The following ARHGAP26 variants were observed in gnomAD, a reference collection of about 807,000 sequenced individuals.
ARHGAP26 encodes rho GTPase-activating protein 26.
Under a neutral mutation model 104.8 loss-of-function variants are expected in ARHGAP26, and 38 were observed. The ratio of observed to expected loss-of-function variants is 0.36; its 90% CI spans 0.28 to 0.48. ARHGAP26 has a LOEUF of 0.48. Among genes scored for constraint, ARHGAP26 ranks in the 20% least tolerant of loss-of-function variants. ARHGAP26 has a pLI of 0.99. For missense variants in ARHGAP26, 704 were observed against 947.9 expected, an observed-to-expected ratio of 0.74 and a Z score of 3.38; for synonymous variants, 341 against 340.0, an observed-to-expected ratio of 1.00 and a Z score of -0.03.
intron 11 of ARHGAP26, among the ~76,000 whole-genome samples, chr5:142,958,179 C>A (rs151198671): frequency 1.9e-4 from 29 of 152,194 alleles, no homozygotes; most frequent in African/African-American, 5.8e-4. Context: ...TTTCTCCTCC[C>A]CCTGGTTTGG....
chr5:143,106,803 G>A (rs1207579366), intron 17 of ARHGAP26, among the ~76,000 whole-genome samples: 1 of 152,062 alleles, frequency 6.6e-6, no homozygotes, highest in Non-Finnish European at 1.5e-5. Context: ...TCTCAGGCAG[G>A]CATTGCTGAT....
chr5:142,988,588 G>A (rs1279852679), intron 11 of ARHGAP26, among the ~76,000 whole-genome samples: 1 of 152,090 alleles, frequency 6.6e-6, no homozygotes, highest in Non-Finnish European at 1.5e-5. Flanking sequence ...ATGTTAGGGT[G>A]TCAATTTTAG....
chr5:143,097,704 C>T (rs558009326), intron 17 of ARHGAP26, among the ~76,000 whole-genome samples: 1 of 151,724 alleles, frequency 6.6e-6, no homozygotes. Flanking sequence ...CACCTTTAGT[C>T]CCAGCTACTC....
intron 17 of ARHGAP26, among the ~76,000 whole-genome samples, chr5:143,114,127 A>G (rs998744745): frequency 3.9e-5 from 6 of 152,144 alleles, no homozygotes; most frequent in Non-Finnish European, 7.3e-5. Context: ...TAAGCATTCA[A>G]TTAATTATTT....
intron 20 of ARHGAP26, chr5:143,192,388 G>A (rs1361929790): frequency 6.6e-6 from 1 of 152,298 alleles, no homozygotes; most frequent in Admixed American, 6.5e-5. Flanking sequence ...CATGGCACAA[G>A]TAAAGCCATT....
chr5:143,026,136 C>CT (rs1236119848), intron 12 of ARHGAP26, among the ~76,000 whole-genome samples: 3 of 152,174 alleles, frequency 2.0e-5, no homozygotes. Context: ...ATGCAGCCAC[C>CT]TGTCACTATT....
chr5:142,940,968 G>A (rs1766214796), intron 11 of ARHGAP26, among the ~76,000 whole-genome samples: 2 of 150,834 alleles, frequency 1.3e-5, no homozygotes, highest in Non-Finnish European at 3.0e-5. Flanking sequence ...CCAGCTACTC[G>A]GGAGGCTGAG....
intron 11 of ARHGAP26, among the ~76,000 whole-genome samples, chr5:142,993,902 C>T (rs551616981): frequency 3.4e-4 from 51 of 151,756 alleles, no homozygotes; most frequent in Non-Finnish European, 5.2e-4. Flanking sequence ...AATTCCTGGG[C>T]GCATGTGATC....
At chr5:142,848,182 T>C (rs940802134) in intron 1 of ARHGAP26, among the ~76,000 whole-genome samples, 4 of 152,198 alleles carry the variant, frequency 2.6e-5, no homozygotes, top group African/African-American at 9.7e-5. Flanking sequence ...TCATTTGTAT[T>C]GCAAAAGGCT....
intron 1 of ARHGAP26, among the ~76,000 whole-genome samples, chr5:142,783,580 G>C (rs1799293): frequency 0.42 from 63,320 of 152,086 alleles, 17,855 homozygotes; most frequent in African/African-American, 0.81. Flanking sequence ...GAGAGACTGG[G>C]TGATGGCTCT....
At chr5:142,809,368 G>A (rs1284140297) in intron 1 of ARHGAP26, among the ~76,000 whole-genome samples, 1 of 152,220 alleles carries the variant, frequency 6.6e-6, no homozygotes, top group Non-Finnish European at 1.5e-5. Context: ...AGGACTTTGA[G>A]CTTCTTAGAA....
intron 12 of ARHGAP26, among the ~76,000 whole-genome samples, chr5:143,030,559 AG>A (rs1781696435): frequency 6.6e-6 from 1 of 152,230 alleles, no homozygotes; most frequent in African/African-American, 2.4e-5. Flanking sequence ...GGAAGTGGTT[AG>A]ATCAGCCTAT....
intron 1 of ARHGAP26, among the ~76,000 whole-genome samples, chr5:142,869,208 C>T (rs13164444): frequency 0.078 from 10,717 of 137,064 alleles, 553 homozygotes; most frequent in East Asian, 0.17. Flanking sequence ...TTTCTTTTTT[C>T]TTTTTTTTTT....
intron 20 of ARHGAP26, among the ~76,000 whole-genome samples, chr5:143,182,685 A>G (rs78614390): frequency 0.029 from 4,426 of 152,246 alleles, 214 homozygotes; most frequent in African/African-American, 0.1. Flanking sequence ...TGATTTTTAT[A>G]TACTCATAGC....
chr5:142,782,174 A>C (rs913338354), intron 1 of ARHGAP26, among the ~76,000 whole-genome samples: 4 of 152,086 alleles, frequency 2.6e-5, no homozygotes, highest in Non-Finnish European at 5.9e-5. Flanking sequence ...ACAGGAGAGG[A>C]ATCGTGGTGT....
At chr5:143,106,201 T>G (rs1031937801) in intron 17 of ARHGAP26, among the ~76,000 whole-genome samples, 1 of 152,228 alleles carries the variant, frequency 6.6e-6, no homozygotes, top group Non-Finnish European at 1.5e-5. Flanking sequence ...TGTAAATTTC[T>G]GGAAGATGGC....
At chr5:143,062,651 C>T (rs1786895625) in intron 17 of ARHGAP26, among the ~76,000 whole-genome samples, 1 of 150,762 alleles carries the variant, frequency 6.6e-6, no homozygotes, top group Admixed American at 6.6e-5. Flanking sequence ...TATACAAATG[C>T]TTGTGGTTAT....
chr5:143,064,399 CTT>C (rs764782489), intron 17 of ARHGAP26, among the ~76,000 whole-genome samples: 2 of 138,402 alleles, frequency 1.4e-5, no homozygotes, highest in Non-Finnish European at 3.2e-5. Context: ...TTGACTGGCT[CTT>C]TTTTTTTTTT....
In ARHGAP26 at chr5:142,885,566, G is replaced by T. The variant is rs1011939049; in HGVS notation, c.486+167G>T. Reference sequence around the variant, plus strand: ...AGTGCCTGATGCCTGGACTGCCTTTGTGTCCTCCCATCCCACCCCATCCTT... The same window carrying T: ...AGTGCCTGATGCCTGGACTGCCTTTTTGTCCTCCCATCCCACCCCATCCTT... On this transcript the variant is annotated intron_variant, in intron 5 of 22. Transcript: ENST00000645722. Among the ~76,000 whole-genome samples, 25 of 152,266 alleles carry T rather than the reference G, an allele frequency of 1.6e-4. 1 individual carries two copies. The highest frequency in any genetic ancestry group is 1.5e-3 in the South Asian group (7 of 4,822).
Sources: allele counts gnomAD v4.1 joint callset (sites outside exome capture counted in the v4.1 genomes callset), GRCh38; gene constraint gnomAD v4.1.1; transcripts MANE v1.5; gene names NCBI Gene and HGNC (gene_info 2026-07-23, HGNC 2026-07-21).